Variants in ERC1 observed in about 807,000 individuals in gnomAD.
The protein encoded by ERC1 is ELKS/RAB6-interacting/CAST family member 1.
A neutral mutation model predicts 132.0 loss-of-function variants in ERC1; 56 were observed. The ratio of observed to expected loss-of-function variants is 0.42; its 90% confidence interval spans 0.34 to 0.53. The LOEUF (loss-of-function observed/expected upper bound fraction) is 0.53, where lower values mean the gene tolerates loss of function less well. Ranked by LOEUF, ERC1 falls within the 20% of genes least tolerant of loss-of-function variation. ERC1 has a pLI of 0.03. For missense variants in ERC1, 1,202 were observed against 1,349.9 expected (o/e 0.89, Z 1.72); for synonymous variants, 478 against 476.1 (o/e 1.00, Z -0.05).
chr12:1,128,069 G>T (rs1948394877), intron 7 of ERC1, among the ~76,000 whole-genome samples: 1 of 152,204 alleles, frequency 6.6e-6, no homozygotes, highest in Non-Finnish European at 1.5e-5. Flanking sequence ...AGACATAACT[G>T]CTCTGAAGGG....
intron 7 of ERC1, among the ~76,000 whole-genome samples, chr12:1,138,284 ATATATAT>A (rs1949540398): frequency 1.5e-5 from 2 of 137,004 alleles, no homozygotes; most frequent in South Asian, 2.2e-4. Context: ...ACAATATATG[ATATATAT>A]TATATAATAT....
intron 6 of ERC1, 134 bp downstream of exon 6, chr12:1,112,432 C>A: frequency 1.7e-6 from 1 of 595,290 alleles, no homozygotes; most frequent in Non-Finnish European, 3.0e-6. Flanking sequence ...CACTAACCAG[C>A]CTGCTCTGCT....
chr12:1,388,264 G>C (rs2089590934), intron 16 of ERC1, among the ~76,000 whole-genome samples: 1 of 150,684 alleles, frequency 6.6e-6, no homozygotes. Context: ...GCAGGAGAAT[G>C]GTGTGAACCC....
chr12:1,177,478 TGG>T (rs1953867897), intron 8 of ERC1, among the ~76,000 whole-genome samples: 1 of 152,188 alleles, frequency 6.6e-6, no homozygotes, highest in African/African-American at 2.4e-5. Flanking sequence ...GGTTATGAAT[TGG>T]CCTAATTTCA....
At chr12:996,973 C>T (rs1053035020) in intron 1 of ERC1, among the ~76,000 whole-genome samples, 3 of 152,074 alleles carry the variant, frequency 2.0e-5, no homozygotes, top group Non-Finnish European at 4.4e-5. Context: ...GTCTGAAATG[C>T]GATGGTGCGG....
At chr12:1,192,535 T>C (rs1160466374) in intron 12 of ERC1, among the ~76,000 whole-genome samples, 2 of 152,154 alleles carry the variant, frequency 1.3e-5, no homozygotes, top group Non-Finnish European at 2.9e-5. Flanking sequence ...CATGGTCCTG[T>C]TCCATTGGGG....
intron 15 of ERC1, among the ~76,000 whole-genome samples, chr12:1,363,739 A>T (rs1358226405): frequency 6.6e-6 from 1 of 151,522 alleles, no homozygotes; most frequent in Non-Finnish European, 1.5e-5. Flanking sequence ...TATTTTTTGC[A>T]GAGATGAGGT....
chr12:1,465,641 A>AG (rs1161781696), intron 18 of ERC1, among the ~76,000 whole-genome samples: 1 of 152,258 alleles, frequency 6.6e-6, no homozygotes, highest in Non-Finnish European at 1.5e-5. Context: ...TCCAGTTTGC[A>AG]GACAGACATT....
chr12:1,041,016 C>T (rs1970117320), intron 2 of ERC1, among the ~76,000 whole-genome samples: 3 of 151,954 alleles, frequency 2.0e-5, no homozygotes, highest in Admixed American at 2.0e-4. Flanking sequence ...GCCACAGGAC[C>T]TCTGTATATT....
rs1243960722 is a variant in ERC1, at chr12:1,121,883, GTCTCTATCTCTA to G, written c.1569+5884_1569+5895del. ...TATCTCTATCTCTATCTCTATCTGT[GTCTCTATCTCTA>G]TCTCTATCTCTATCTCTATCTCTAT... On this transcript the variant is annotated intron_variant, in intron 7 of 18. Coordinates refer to ENST00000360905, the MANE Select transcript of ERC1 (RefSeq NM_178040.4). Among the ~76,000 whole-genome samples the G allele has an allele frequency of 2.3e-3, 67 of 28,880 alleles. 1 individual carries two copies. Among genetic ancestry groups the G allele is most frequent in the Middle Eastern group, 0.022 (1 of 46 alleles). 18.9% of individuals were successfully genotyped at this position (28,880 alleles called of 152,430 possible).
chr12:1,469,747 G>C (rs932234564), intron 18 of ERC1, among the ~76,000 whole-genome samples: 15 of 152,216 alleles, frequency 9.9e-5, no homozygotes, highest in African/African-American at 3.6e-4. Context: ...TTAGGGGGCT[G>C]TGGGAATATT....
At chr12:1,253,111 G>A (rs56968978) in intron 13 of ERC1, among the ~76,000 whole-genome samples, 59,751 of 151,988 alleles carry the variant, frequency 0.39, 12,823 homozygotes, top group African/African-American at 0.56. Context: ...TTCCATTACC[G>A]TGTCAGAATG....
intron 13 of ERC1, among the ~76,000 whole-genome samples, chr12:1,252,064 G>A (rs747190322): frequency 6.6e-6 from 1 of 152,126 alleles, no homozygotes; most frequent in Non-Finnish European, 1.5e-5. Context: ...ATACAAGCAT[G>A]TAATGTGTAA....
chr12:1,247,457 G>C (rs996950624), intron 13 of ERC1, among the ~76,000 whole-genome samples: 3 of 152,122 alleles, frequency 2.0e-5, no homozygotes, highest in African/African-American at 7.2e-5. Flanking sequence ...TTTTCTGTAT[G>C]TTCATAATTA....
chr12:1,179,962 G>T (rs1394182494), intron 8 of ERC1, among the ~76,000 whole-genome samples: 1 of 152,232 alleles, frequency 6.6e-6, no homozygotes, highest in Non-Finnish European at 1.5e-5. Flanking sequence ...ATGCATATAA[G>T]TATGTATGAA....
chr12:1,049,463 T>G (rs1310070633), intron 2 of ERC1, among the ~76,000 whole-genome samples: 1 of 152,142 alleles, frequency 6.6e-6, no homozygotes, highest in Non-Finnish European at 1.5e-5. Context: ...TAATTTGATT[T>G]GATTGGGCTT....
intron 16 of ERC1, among the ~76,000 whole-genome samples, chr12:1,394,670 C>T (rs565070654): frequency 6.6e-6 from 1 of 152,312 alleles, no homozygotes; most frequent in African/African-American, 2.4e-5. Flanking sequence ...CTCACCTGTG[C>T]TCTCACTCTC....
At chr12:1,170,039 T>C (rs1324522460) in intron 8 of ERC1, among the ~76,000 whole-genome samples, 1 of 152,148 alleles carries the variant, frequency 6.6e-6, no homozygotes, top group African/African-American at 2.4e-5. Context: ...AAATTGTAGA[T>C]GTCCATTCTA....
intron 15 of ERC1, among the ~76,000 whole-genome samples, chr12:1,317,376 G>A (rs2081830061): frequency 6.6e-6 from 1 of 151,582 alleles, no homozygotes; most frequent in Non-Finnish European, 1.5e-5. Context: ...GACACAGGGA[G>A]GGGAACATCA....
Sources: gnomAD v4.1 joint callset for allele counts (sites outside exome capture counted in the v4.1 genomes callset) on GRCh38, gnomAD v4.1.1 for gene constraint, MANE v1.5 for transcripts, NCBI Gene and HGNC (gene_info 2026-07-23, HGNC 2026-07-21) for gene names.